The following TANGO6 variants were observed in gnomAD, a reference collection of about 807,000 sequenced individuals.
TANGO6 encodes transport and Golgi organization protein 6 homolog.
In TANGO6, 90 loss-of-function variants were observed where a neutral mutation model predicts 114.2. The observed-to-expected ratio is 0.79, with a 90% confidence interval of 0.66 to 0.94. TANGO6 has a LOEUF of 0.94. Ranked by LOEUF, TANGO6 falls within the 40% of genes least tolerant of loss-of-function variation. The pLI, the probability that TANGO6 is intolerant of heterozygous loss-of-function variation, is 0.00. For synonymous variants in TANGO6, 477 were observed against 509.8 expected (o/e 0.94, Z 0.87); for missense variants, 1,274 against 1,315.3 (o/e 0.97, Z 0.49).
chr16:68,872,950 G>A (rs922941464), intron 4 of TANGO6, among the ~76,000 whole-genome samples: 1 of 151,760 alleles, frequency 6.6e-6, no homozygotes, highest in Non-Finnish European at 1.5e-5. Context: ...TGATCCACCT[G>A]CCTCGGCCTC....
rs1353167939 is a variant in TANGO6, at chr16:68,848,045, T to G, written c.94+4334T>G. 1.3e-5 allele frequency among the ~76,000 whole-genome samples: 2 copies of G among 151,374 alleles called. 1 individual carries two copies. Among genetic ancestry groups the G allele is most frequent in the African/African-American group, 4.9e-5 (2 of 41,236 alleles). On this transcript the variant is annotated intron_variant, in intron 1 of 17. Coordinates refer to ENST00000261778, the MANE Select transcript of TANGO6 (RefSeq NM_024562.2). ...CTATTGCAAATTTCTTACACTTCTGTTCTCATTATTTTTGAAGGATGTTAT... is the reference window on the plus strand; with the variant it reads ...CTATTGCAAATTTCTTACACTTCTGGTCTCATTATTTTTGAAGGATGTTAT...
chr16:69,053,710 A>C (rs1296013535), intron 17 of TANGO6, among the ~76,000 whole-genome samples: 1 of 152,126 alleles, frequency 6.6e-6, no homozygotes, highest in African/African-American at 2.4e-5. Context: ...AGGTGATATC[A>C]TTGGGAGACT....
At chr16:68,851,136 T>C (rs9937080) in intron 1 of TANGO6, among the ~76,000 whole-genome samples, 12,100 of 152,054 alleles carry the variant, frequency 0.08, 937 homozygotes, top group African/African-American at 0.2. Context: ...ACTATATATA[T>C]TTTTTTCTGC....
At chr16:68,867,978 CA>C (rs5817656) in intron 4 of TANGO6, 1,339 of 112,252 alleles carry the variant, frequency 0.012, 15 homozygotes, top group African/African-American at 0.035. Flanking sequence ...TCTGTTTCTA[CA>C]AAAAAAAAAA....
At position 69,063,808 on chromosome 16, in the gene TANGO6, C is replaced by CTTCTTCTTCTTCTTCTTATTA. The variant is rs56983779; in HGVS notation, c.3109-19675_3109-19674insCTTCTTCTTCTTCTTATTATT. On this transcript the variant is annotated intron_variant, in intron 17 of 17. Coordinates refer to ENST00000261778, the MANE Select transcript of TANGO6 (RefSeq NM_024562.2). Reference sequence around the variant, plus strand: ...TCTTCTTCTTCTTCTTCTTCTTCTTCTTATTATTATTATTATTATTATTAT... The same window carrying CTTCTTCTTCTTCTTCTTATTA: ...TCTTCTTCTTCTTCTTCTTCTTCTTCTTCTTCTTCTTCTTCTTATTATTATTATTATTATTATTATTATTAT... Among the ~76,000 whole-genome samples, 229 of 125,548 alleles carry CTTCTTCTTCTTCTTCTTATTA rather than the reference C, an allele frequency of 1.8e-3. 2 individuals carry two copies. Among genetic ancestry groups the CTTCTTCTTCTTCTTCTTATTA allele is most frequent in the African/African-American group, 7.1e-3 (218 of 30,616 alleles). 82.4% of individuals were successfully genotyped at this position (125,548 alleles called of 152,430 possible).
chr16:68,907,854 GTTAA>G (rs897166020), intron 10 of TANGO6, among the ~76,000 whole-genome samples: 1 of 152,170 alleles, frequency 6.6e-6, no homozygotes, highest in African/African-American at 2.4e-5. Context: ...CCATGAAAGG[GTTAA>G]TCTTTGCTCT....
intron 15 of TANGO6, among the ~76,000 whole-genome samples, chr16:68,999,847 A>G (rs1964023837): frequency 6.6e-6 from 1 of 152,246 alleles, no homozygotes; most frequent in African/African-American, 2.4e-5. Flanking sequence ...CTCAATATCT[A>G]TAAACACATT....
chr16:69,002,919 A>T (rs748761327), intron 15 of TANGO6, among the ~76,000 whole-genome samples: 1 of 151,794 alleles, frequency 6.6e-6, no homozygotes, highest in Non-Finnish European at 1.5e-5. Flanking sequence ...GCACACACCT[A>T]TAGTCCCAGC....
At position 68,854,525 on chromosome 16, in the gene TANGO6, C is replaced by T. The variant is rs144373740; in HGVS notation, c.95-5359C>T. ...CTCTAGGATCATAAAAGACTTTCTT[C>T]TGTGTTTTCTTCCAGAAGTTTTATA... is the stretch of plus-strand genomic sequence containing the variant. On this transcript the variant is annotated intron_variant, in intron 1 of 17. Transcript: ENST00000261778. 3.1e-3 allele frequency among the ~76,000 whole-genome samples: 463 copies of T among 151,700 alleles called. 3 individuals carry two copies. Among genetic ancestry groups the T allele is most frequent in the African/African-American group, 0.011 (445 of 41,386 alleles).
chr16:69,028,024 A>G (rs980536553), intron 16 of TANGO6, among the ~76,000 whole-genome samples: 4 of 151,892 alleles, frequency 2.6e-5, no homozygotes, highest in Non-Finnish European at 5.9e-5. Context: ...CAGTGGCACG[A>G]TCTCTGCTCA....
chr16:69,082,748 A>AG (rs1256137731), intron 17 of TANGO6, among the ~76,000 whole-genome samples: 1 of 152,122 alleles, frequency 6.6e-6, no homozygotes, highest in African/African-American at 2.4e-5. Context: ...CGTCTCAAAA[A>AG]AAAAAAAGCC....
chr16:68,953,885 A>G (rs28460572), intron 14 of TANGO6, among the ~76,000 whole-genome samples: 18,949 of 152,130 alleles, frequency 0.12, 1,432 homozygotes, highest in African/African-American at 0.2. Context: ...CCCTGACAGC[A>G]AGGGAACGAG....
At chr16:68,998,279 G>A (rs560532899) in intron 15 of TANGO6, among the ~76,000 whole-genome samples, 62 of 152,306 alleles carry the variant, frequency 4.1e-4, no homozygotes, top group African/African-American at 1.2e-3. Context: ...GAGATCACTG[G>A]TTGGTTCACA....
At chr16:68,964,361 A>C (rs1347893110) in intron 14 of TANGO6, among the ~76,000 whole-genome samples, 1 of 151,976 alleles carries the variant, frequency 6.6e-6, no homozygotes, top group Non-Finnish European at 1.5e-5. Context: ...TCTCACATTT[A>C]TCCCCTTGTC....
chr16:69,026,309 A>T (rs1011072743), intron 16 of TANGO6: 1 of 151,950 alleles, frequency 6.6e-6, no homozygotes, highest in Admixed American at 6.6e-5. Flanking sequence ...CTGACTTCAA[A>T]CTTTTTTTTT....
intron 12 of TANGO6, among the ~76,000 whole-genome samples, chr16:68,923,355 AT>A (rs1398606625): frequency 2.0e-5 from 3 of 152,078 alleles, no homozygotes; most frequent in Admixed American, 6.6e-5. Context: ...GCTGACTTAC[AT>A]ATTAGAATCA....
Position 68,878,299 on chromosome 16 carries a change from T to A in TANGO6, c.1294+19T>A. The A allele has an allele frequency of 6.3e-7, 1 of 1,576,952 alleles. No individual in the cohort carries two copies. Among genetic ancestry groups the A allele is most frequent in the Non-Finnish European group, 8.6e-7 (1 of 1,162,658 alleles). On this transcript the variant is annotated intron_variant, in intron 6 of 17. Coordinates refer to ENST00000261778, the MANE Select transcript of TANGO6 (RefSeq NM_024562.2). ...ACAGCAGGTAAAGGAGGAAGTGTGG[T>A]GGCTGTGTGTGCCTCTAAAGGACCT... is the stretch of plus-strand genomic sequence containing the variant.
chr16:68,900,297 A>G (rs1334801877), intron 7 of TANGO6, 137 bp from the exon 8 acceptor site: 3 of 679,966 alleles, frequency 4.4e-6, no homozygotes, highest in African/African-American at 3.6e-5. Context: ...ATCTGAGCAC[A>G]TCTTTGGAGC....
chr16:68,893,386 T>C (rs1282623189), intron 7 of TANGO6, among the ~76,000 whole-genome samples: 1 of 152,060 alleles, frequency 6.6e-6, no homozygotes, highest in Non-Finnish European at 1.5e-5. Context: ...CATTATACCA[T>C]TAAAAAAGGG....
Sources: gnomAD v4.1 joint callset for allele counts (sites outside exome capture counted in the v4.1 genomes callset) on GRCh38, gnomAD v4.1.1 for gene constraint, MANE v1.5 for transcripts, NCBI Gene and HGNC (gene_info 2026-07-23, HGNC 2026-07-21) for gene names.